Variants in PARG observed in about 807,000 individuals in gnomAD.
The protein encoded by PARG is mitochondrial poly(ADP-ribose) glycohydrolase.
A neutral mutation model predicts 113.0 loss-of-function variants in PARG; 35 were observed. That is an observed-to-expected ratio of 0.31 (90% confidence interval 0.24 to 0.41). The LOEUF (loss-of-function observed/expected upper bound fraction) is 0.41. Among genes scored for constraint, PARG ranks in the 10% least tolerant of loss-of-function variants. The pLI is 1.00. For missense variants in PARG, 797 were observed against 1,169.4 expected, an observed-to-expected ratio of 0.68 and a Z score of 4.64; for synonymous variants, 330 against 409.9, an observed-to-expected ratio of 0.81 and a Z score of 2.36.
chr10:49,887,697 C>G (rs1386235027), intron 7 of PARG, among the ~76,000 whole-genome samples: 1 of 152,048 alleles, frequency 6.6e-6, no homozygotes, highest in Non-Finnish European at 1.5e-5. Flanking sequence ...GTTTGTTTAG[C>G]AATTTCACCT....
rs1839104127 is a variant in PARG, at chr10:49,941,856, T to G, written c.-131A>C. ...CATTCCCTCTCTGCCGCTGCCTGCT[T>G]CTGCAATTGCTGATCCGCCGGCCTC... On this transcript the variant is annotated 5_prime_UTR_variant, in exon 1 of 18. Transcript: ENST00000616448. 6.7e-7 allele frequency: 1 copy of G among 1,491,182 alleles called. No individual in the cohort carries two copies. Among genetic ancestry groups the G allele is most frequent in the Non-Finnish European group, 9.0e-7 (1 of 1,106,420 alleles). 92.4% of individuals were successfully genotyped at this position (1,491,182 alleles called of 1,614,324 possible).
intron 13 of PARG, among the ~76,000 whole-genome samples, chr10:49,846,122 G>A (rs1268323079): frequency 6.7e-6 from 1 of 150,330 alleles, no homozygotes; most frequent in Non-Finnish European, 1.5e-5. Context: ...CATTTGCCAC[G>A]ATCACACAAA....
chr10:49,941,482 G>A (rs2133028199), intron 1 of PARG, 27 bp downstream of exon 1: 4 of 1,501,618 alleles, frequency 2.7e-6, no homozygotes, highest in Non-Finnish European at 3.6e-6. Context: ...CGAGGCGAAG[G>A]ACAAAGATTT....
rs1191457420 is a variant in PARG, at chr10:49,931,693, CAAAAAAAAAAA to C, written c.1455+396_1455+406del. Among the ~76,000 whole-genome samples, 39 of 71,764 alleles carry C rather than the reference CAAAAAAAAAAA, an allele frequency of 5.4e-4. 2 individuals carry two copies. In the South Asian group the frequency reaches 0.016, roughly 29 times the overall value. 47.1% of individuals were successfully genotyped at this position (71,764 alleles called of 152,430 possible). On this transcript the variant is annotated intron_variant, in intron 4 of 17. Transcript: ENST00000616448. ...GTAATAAGAAAACTCTGGTCTCCAGCAAAAAAAAAAAAAAAAAAAAAGGCACAGCTGGATAA... is the reference window on the plus strand; with the variant it reads ...GTAATAAGAAAACTCTGGTCTCCAGCAAAAAAAAAAGGCACAGCTGGATAA...
At chr10:49,898,842 T>G (rs1306982858) in intron 7 of PARG, among the ~76,000 whole-genome samples, 3 of 151,940 alleles carry the variant, frequency 2.0e-5, no homozygotes, top group Non-Finnish European at 4.4e-5. Context: ...TATCCAAATT[T>G]ACTCTCCAGC....
In PARG at chr10:49,818,646, C is replaced by T. The variant is rs1261932811; in HGVS notation, c.*694G>A. On this transcript the variant is annotated 3_prime_UTR_variant, in exon 18 of 18. Transcript: ENST00000616448. ...GAAAACCTCCTTTTATTCCACATTT[C>T]CTTTCATCTCAGCCAGTCTCCAAAA... The T allele has an allele frequency of 6.6e-6, 1 of 152,296 alleles. No homozygotes were observed. The highest frequency in any genetic ancestry group is 1.9e-4 in the East Asian group (1 of 5,190). The allele number at this position is 152,296 out of a possible 1,614,324, so 9.4% of individuals were successfully genotyped here. A position where few individuals can be genotyped will look rare whatever the true frequency, so the allele number is the denominator to read the frequency against.
At chr10:49,838,466 A>C (rs1554831591) in intron 15 of PARG, among the ~76,000 whole-genome samples, 2 of 149,240 alleles carry the variant, frequency 1.3e-5, no homozygotes, top group Non-Finnish European at 3.0e-5. Flanking sequence ...AAAGATTTGA[A>C]GTCAGGGGAG....
chr10:49,848,169 T>G (rs1270953934), intron 13 of PARG, among the ~76,000 whole-genome samples: 112 of 146,604 alleles, frequency 7.6e-4, no homozygotes, highest in African/African-American at 2.7e-3. Context: ...GCCAACGTGG[T>G]GAAACCCCAT....
chr10:49,824,455 A>G (rs1284205155), intron 16 of PARG, among the ~76,000 whole-genome samples: 1 of 152,254 alleles, frequency 6.6e-6, no homozygotes, highest in African/African-American at 2.4e-5. Flanking sequence ...ACTATGTGCC[A>G]AAATAATCAC....
At chr10:49,854,684 G>A (rs1164336572) in intron 13 of PARG, among the ~76,000 whole-genome samples, 1 of 140,744 alleles carries the variant, frequency 7.1e-6, no homozygotes, top group Admixed American at 7.1e-5. Flanking sequence ...TGCACATACA[G>A]CCCTTCAACA....
At chr10:49,902,991 C>G (rs1848415118) in intron 7 of PARG, among the ~76,000 whole-genome samples, 1 of 152,020 alleles carries the variant, frequency 6.6e-6, no homozygotes, top group African/African-American at 2.4e-5. Flanking sequence ...CCACACCCAG[C>G]TAATTTTTTA....
chr10:49,868,059 C>A (rs1217122998), intron 10 of PARG, among the ~76,000 whole-genome samples: 1 of 152,188 alleles, frequency 6.6e-6, no homozygotes, highest in Non-Finnish European at 1.5e-5. Flanking sequence ...ACAATCTCAG[C>A]TCACTGCAAC....
intron 4 of PARG, among the ~76,000 whole-genome samples, chr10:49,931,690 C>A: frequency 4.4e-5 from 5 of 112,900 alleles, no homozygotes; most frequent in Admixed American, 2.9e-4. Context: ...CTCTGGTCTC[C>A]AGCAAAAAAA....
chr10:49,884,010 CTA>C (rs1847341183), intron 8 of PARG, among the ~76,000 whole-genome samples: 4 of 152,022 alleles, frequency 2.6e-5, no homozygotes, highest in Admixed American at 6.6e-5. Flanking sequence ...ATCAATCAGC[CTA>C]TAGAGAGGCC....
rs1482178816 is a variant in PARG at position 49,933,319 on chromosome 10, T to C, written c.1129A>G (p.Thr377Ala). The C allele has an allele frequency of 4.3e-6, 7 of 1,611,298 alleles. No individual in the cohort carries two copies. The highest frequency in any genetic ancestry group is 1.3e-5 in the African/African-American group (1 of 74,904). The stretch of plus-strand genomic sequence containing the variant: ...TTAGCATTTAAATCATTCATTCCAG[T>C]GCGACTCTCTCCTCCTTCAAATTGG... ...HFQFEGGESR[T>A]GMNDLNAKLP... The change falls in exon 3 of 18, where the codon ACT (threonine) becomes GCT (alanine). Residue 377 changes from threonine (T) to alanine (A), a missense_variant. Around this residue, in one of 5 missense-constraint regions of PARG, gnomAD observed 252 missense variants for 437.4 expected, o/e 0.58. Coordinates refer to ENST00000616448, the MANE Select transcript of PARG (RefSeq NM_003631.5).
chr10:49,916,573 A>G (rs1554847698), intron 6 of PARG, among the ~76,000 whole-genome samples: 1 of 152,064 alleles, frequency 6.6e-6, no homozygotes, highest in African/African-American at 2.4e-5. Flanking sequence ...GTTCACATAA[A>G]TTACACATTT....
chr10:49,825,911 T>C (rs1312047112), intron 16 of PARG, among the ~76,000 whole-genome samples: 1 of 152,206 alleles, frequency 6.6e-6, no homozygotes, highest in Non-Finnish European at 1.5e-5. Flanking sequence ...AGGTTGAGTA[T>C]CCCTCATCTG....
rs1224203212 is a variant in PARG, at chr10:49,859,969, A to T, written c.2205+1619T>A. Among the ~76,000 whole-genome samples the T allele has an allele frequency of 4.6e-5, 7 of 152,236 alleles. No individual in the cohort carries two copies. The East Asian group carries it at 1.2e-3, about 25-fold the overall frequency. On this transcript the variant is annotated intron_variant, in intron 12 of 17. Transcript: ENST00000616448. ...AGTCACTTTAAAGCTACTCATTCAG[A>T]TTACTCAGCTTCTGAATTATAACTT...
At chr10:49,838,891 T>C (rs1205472717) in intron 15 of PARG, among the ~76,000 whole-genome samples, 1 of 152,192 alleles carries the variant, frequency 6.6e-6, no homozygotes, top group African/African-American at 2.4e-5. Flanking sequence ...TGTCCCAAAC[T>C]TGATTTGACA....
Sources: allele counts gnomAD v4.1 joint callset (sites outside exome capture counted in the v4.1 genomes callset), GRCh38; gene constraint gnomAD v4.1.1; regional missense constraint gnomAD v4.1.1; transcripts MANE v1.5; gene names NCBI Gene and HGNC (gene_info 2026-07-23, HGNC 2026-07-21).